Variants in MARCHF6 observed in about 807,000 individuals in gnomAD.
MARCHF6 encodes the protein E3 ubiquitin-protein ligase MARCHF6.
Under a neutral mutation model 133.7 loss-of-function variants are expected in MARCHF6, and 31 were observed. That is an observed-to-expected ratio of 0.23 (90% CI 0.17 to 0.31). MARCHF6 has a LOEUF of 0.31. Ranked by LOEUF, MARCHF6 falls within the 10% of genes least tolerant of loss-of-function variation. The pLI is 1.00. For synonymous variants in MARCHF6, 395 were observed against 402.5 expected (o/e 0.98, Z 0.22); for missense variants, 723 against 1,121.6 (o/e 0.64, Z 5.08).
chr5:10,427,002 C>T (rs1376929146), intron 24 of MARCHF6, among the ~76,000 whole-genome samples: 1 of 152,232 alleles, frequency 6.6e-6, no homozygotes, highest in Non-Finnish European at 1.5e-5. Context: ...AACATATTTT[C>T]AAAATTATAA....
chr5:10,429,889 C>T lies in MARCHF6; in HGVS notation c.2507-4C>T, dbSNP rs1408661545. On this transcript the variant is annotated splice_polypyrimidine_tract_variant and splice_region_variant and intron_variant, in intron 24 of 25. Coordinates refer to ENST00000274140, the MANE Select transcript of MARCHF6 (RefSeq NM_005885.4). The stretch of plus-strand genomic sequence containing the variant: ...CTGAAAGTTTTTCTTTTTTGGTTTT[C>T]TAGGTGTTACTGCGGAAATGCAAAA... 1.9e-6 allele frequency: 3 copies of T among 1,605,838 alleles called. No individual in the cohort carries two copies. Among genetic ancestry groups the T allele is most frequent in the South Asian group, 2.2e-5 (2 of 89,962 alleles).
At chr5:10,397,569 G>A (rs762825020) in intron 10 of MARCHF6, among the ~76,000 whole-genome samples, 53 of 151,768 alleles carry the variant, frequency 3.5e-4, no homozygotes, top group South Asian at 4.2e-4. Flanking sequence ...CCTCTGTTGG[G>A]CATTTCTGGG....
In MARCHF6 at chr5:10,433,884, T is replaced by C. The variant is rs77353977; in HGVS notation, c.*200T>C. ...TTCTGACATTACTGCTGTCTGAGATTTGTATATGTGTAAATACAAGTTCCT... is the reference window on the plus strand; with the variant it reads ...TTCTGACATTACTGCTGTCTGAGATCTGTATATGTGTAAATACAAGTTCCT... On this transcript the variant is annotated 3_prime_UTR_variant, in exon 26 of 26. Transcript: ENST00000274140. The C allele has an allele frequency of 1.7e-6, 1 of 572,678 alleles. No homozygotes were observed. The highest frequency in any genetic ancestry group is 3.1e-6 in the Non-Finnish European group (1 of 317,988). 35.5% of individuals were successfully genotyped at this position (572,678 alleles called of 1,614,324 possible). A position where few individuals can be genotyped will look rare whatever the true frequency, so the allele number is the denominator to read the frequency against.
At chr5:10,417,832 T>C (rs1739600567) in intron 22 of MARCHF6, among the ~76,000 whole-genome samples, 1 of 152,116 alleles carries the variant, frequency 6.6e-6, no homozygotes, top group South Asian at 2.1e-4. Flanking sequence ...CTAGGAACTC[T>C]TATAAAATTG....
intron 22 of MARCHF6, 36 bp from the exon 23 acceptor site, chr5:10,423,699 C>A: frequency 7.0e-7 from 1 of 1,425,480 alleles, no homozygotes; most frequent in Non-Finnish European, 9.8e-7. Flanking sequence ...TGTTAAAAAA[C>A]AACAGAAATA....
At chr5:10,371,414 A>G (rs1425424975) in intron 1 of MARCHF6, among the ~76,000 whole-genome samples, 1 of 152,192 alleles carries the variant, frequency 6.6e-6, no homozygotes, top group Non-Finnish European at 1.5e-5. Context: ...GAGATTTATA[A>G]TGGACTTACA....
intron 17 of MARCHF6, among the ~76,000 whole-genome samples, chr5:10,407,982 C>T (rs889294104): frequency 1.2e-4 from 16 of 139,066 alleles, no homozygotes; most frequent in East Asian, 5.2e-4. Flanking sequence ...AAAAGCCATC[C>T]GGAAACCTCC....
intron 11 of MARCHF6, 30 bp from the exon 12 acceptor site, chr5:10,402,029 A>G (rs762522582): frequency 7.3e-7 from 1 of 1,376,058 alleles, no homozygotes; most frequent in East Asian, 2.3e-5. Context: ...TTGTAAAATT[A>G]AATTTTATTT....
chr5:10,409,441 A>G (rs1739097531), intron 17 of MARCHF6, among the ~76,000 whole-genome samples: 4 of 152,224 alleles, frequency 2.6e-5, no homozygotes, highest in Admixed American at 2.6e-4. Flanking sequence ...AGTGGCACCC[A>G]GGTCTGTTTG....
intron 1 of MARCHF6, among the ~76,000 whole-genome samples, chr5:10,374,195 T>G (rs996539401): frequency 3.9e-5 from 6 of 152,194 alleles, no homozygotes; most frequent in African/African-American, 1.4e-4. Context: ...TATAGAACTC[T>G]TTCAAGGCCC....
chr5:10,434,482 C>G lies in MARCHF6; in HGVS notation c.*798C>G, dbSNP rs1446621614. On this transcript the variant is annotated 3_prime_UTR_variant, in exon 26 of 26. Coordinates refer to ENST00000274140, the MANE Select transcript of MARCHF6 (RefSeq NM_005885.4). ...TGAAGATTTTCATGAGTCAGCCCCC[C>G]CGCCCGCCCCCACCCCACACCCACA... 1 of 141,782 alleles carries G rather than the reference C, an allele frequency of 7.1e-6. No individual in the cohort carries two copies. Among genetic ancestry groups the G allele is most frequent in the East Asian group, 2.2e-4 (1 of 4,462 alleles). 8.8% of individuals were successfully genotyped at this position (141,782 alleles called of 1,614,324 possible). A position where few individuals can be genotyped will look rare whatever the true frequency, so the allele number is the denominator to read the frequency against.
chr5:10,435,191 C>T lies in MARCHF6; in HGVS notation c.*1507C>T, dbSNP rs1561158498. On this transcript the variant is annotated 3_prime_UTR_variant, in exon 26 of 26. Transcript: ENST00000274140. ...CATATGCAAGTCAGCCAAACATAAG[C>T]TACCAAAATAAAGAGCAATGTGTTC... 6.6e-6 allele frequency: 1 copy of T among 152,452 alleles called. No individual in the cohort carries two copies. The highest frequency in any genetic ancestry group is 1.5e-5 in the Non-Finnish European group (1 of 68,004). 9.4% of individuals were successfully genotyped at this position (152,452 alleles called of 1,614,324 possible). A position where few individuals can be genotyped will look rare whatever the true frequency, so the allele number is the denominator to read the frequency against.
At chr5:10,391,342 AG>A in intron 6 of MARCHF6, among the ~76,000 whole-genome samples, 199 bp from the exon 7 acceptor site, 1 of 150,526 alleles carries the variant, frequency 6.6e-6, no homozygotes, top group South Asian at 2.1e-4. Context: ...TGTGCTGGCC[AG>A]GCTGGTCTTG....
At chr5:10,357,413 CAA>C (rs922064169) in intron 1 of MARCHF6, among the ~76,000 whole-genome samples, 7 of 149,598 alleles carry the variant, frequency 4.7e-5, no homozygotes, top group Admixed American at 6.7e-5. Context: ...CAACATAATA[CAA>C]AGTCTTAGTA....
chr5:10,364,843 G>A (rs1333474064), intron 1 of MARCHF6, among the ~76,000 whole-genome samples: 3 of 152,084 alleles, frequency 2.0e-5, no homozygotes, highest in African/African-American at 7.2e-5. Flanking sequence ...CGCTCTTGTC[G>A]CCCAGGCTGG....
chr5:10,414,731 A>C (rs1472586068), intron 20 of MARCHF6, among the ~76,000 whole-genome samples: 2 of 152,212 alleles, frequency 1.3e-5, no homozygotes. Flanking sequence ...CTGTGGAAAA[A>C]ATATACTGGA....
chr5:10,435,645 A>AAC lies in MARCHF6; in HGVS notation c.*1961_*1962insAC, dbSNP rs1190926321. 3.8e-3 allele frequency: 8 copies of AAC among 2,130 alleles called. No individual in the cohort carries two copies. Among genetic ancestry groups the AAC allele is most frequent in the African/African-American group, 8.2e-3 (8 of 974 alleles). 0.1% of individuals were successfully genotyped at this position (2,130 alleles called of 1,614,324 possible). ...TAACTATATAACTATATAACTATAT[A>AAC]TATATATATATATATATATATATAT... On this transcript the variant is annotated 3_prime_UTR_variant, in exon 26 of 26. Coordinates refer to ENST00000274140, the MANE Select transcript of MARCHF6 (RefSeq NM_005885.4).
At chr5:10,423,450 G>A (rs1347162104) in intron 22 of MARCHF6, among the ~76,000 whole-genome samples, 1 of 152,118 alleles carries the variant, frequency 6.6e-6, no homozygotes, top group Admixed American at 6.6e-5. Flanking sequence ...TATTTTATTT[G>A]CTTTTTGAGA....
intron 24 of MARCHF6, 43 bp from the exon 25 acceptor site, chr5:10,429,849 GT>G: frequency 1.3e-6 from 2 of 1,563,438 alleles, no homozygotes; most frequent in Non-Finnish European, 1.8e-6. Context: ...TCATGTCACT[GT>G]TATTTCACAT....
Sources: gnomAD v4.1 joint callset for allele counts (sites outside exome capture counted in the v4.1 genomes callset) on GRCh38, gnomAD v4.1.1 for gene constraint, MANE v1.5 for transcripts, NCBI Gene and HGNC (gene_info 2026-07-23, HGNC 2026-07-21) for gene names.